The following BDKRB2 variants were observed in gnomAD, a reference collection of about 807,000 sequenced individuals.
BDKRB2 encodes bradykinin receptor B2, also known as B2 bradykinin receptor.
A neutral mutation model predicts 4.0 loss-of-function variants in BDKRB2; 6 were observed. That is an observed-to-expected ratio of 1.49 (90% CI 0.81 to 2.93). The LOEUF is 2.93. Among genes scored for constraint, BDKRB2 ranks in the 30% most tolerant of loss-of-function variants. BDKRB2 has a pLI of 0.00. For missense variants in BDKRB2, 478 were observed against 520.1 expected, an observed-to-expected ratio of 0.92 and a Z score of 0.79; for synonymous variants, 225 against 215.3, an observed-to-expected ratio of 1.05 and a Z score of -0.40.
chr14:96,214,593 G>A (rs1890377324), intron 1 of BDKRB2: 1 of 152,324 alleles, frequency 6.6e-6, no homozygotes, highest in South Asian at 2.1e-4. Context: ...TGTACAGCAG[G>A]TTTGCCTCAC....
rs1434860064 is a variant in BDKRB2 at position 96,241,735 on chromosome 14, A to G, written c.*231A>G. 3.6e-6 allele frequency: 2 copies of G among 551,778 alleles called. No individual in the cohort carries two copies. Among genetic ancestry groups the G allele is most frequent in the African/African-American group, 1.9e-5 (1 of 52,316 alleles). 34.2% of individuals were successfully genotyped at this position (551,778 alleles called of 1,614,324 possible). ...CCAAGGACTCCAAAATCACAACAGC[A>G]TTACTGTTCTTATTTGCTGCCACAC... On this transcript the variant is annotated 3_prime_UTR_variant, in exon 3 of 3. Coordinates refer to ENST00000554311, the MANE Select transcript of BDKRB2 (RefSeq NM_001379692.1).
At chr14:96,237,661 C>T in intron 2 of BDKRB2, 3 of 1,282,954 alleles carry the variant, frequency 2.3e-6, no homozygotes, top group Non-Finnish European at 3.0e-6. Flanking sequence ...TTGGGGACAG[C>T]ATTTGCAAGA....
Position 96,241,619 on chromosome 14 carries a change from G to C in BDKRB2, c.*115G>C, listed in dbSNP as rs542090558. 8.5e-6 allele frequency: 12 copies of C among 1,418,740 alleles called. No homozygotes were observed. The highest frequency in any genetic ancestry group is 1.1e-5 in the Non-Finnish European group (12 of 1,090,810). 87.9% of individuals were successfully genotyped at this position (1,418,740 alleles called of 1,614,324 possible). On this transcript the variant is annotated 3_prime_UTR_variant, in exon 3 of 3. Coordinates refer to ENST00000554311, the MANE Select transcript of BDKRB2 (RefSeq NM_001379692.1). Reference sequence around the variant, plus strand: ...TATGCACGACCTTGGGAAATGAGTTGATGTCTCCGGTAAAACACCGGAGAC... The same window carrying C: ...TATGCACGACCTTGGGAAATGAGTTCATGTCTCCGGTAAAACACCGGAGAC...
chr14:96,239,314 C>G (rs1016467983), intron 2 of BDKRB2: 2 of 976,484 alleles, frequency 2.0e-6, no homozygotes, highest in Non-Finnish European at 2.4e-6. Flanking sequence ...GAGCAATACC[C>G]TACTCCAAAG....
chr14:96,237,157 C>T lies in BDKRB2; in HGVS notation c.50C>T (p.Ser17Phe). 2 of 1,614,032 alleles carry T rather than the reference C, an allele frequency of 1.2e-6. No homozygotes were observed. Among genetic ancestry groups the T allele is most frequent in the Non-Finnish European group, 1.7e-6 (2 of 1,179,854 alleles). ...ATGTTTCTGTCTGTTCGTGAGGACT[C>T]CGTGCCCACCACGGCCTCTTTCAGG... ...ISMFLSVRED[S>F]VPTTASFSAD... Residue 17 changes from serine (S) to phenylalanine (F), a missense_variant, in exon 2 of 3, where the codon TCC becomes TTC. Physicochemically the swap from Ser to Phe is radical, Grantham distance 155 (BLOSUM62 -2). Coordinates refer to ENST00000554311, the MANE Select transcript of BDKRB2 (RefSeq NM_001379692.1).
At chr14:96,219,119 T>C (rs1010673030) in intron 1 of BDKRB2, among the ~76,000 whole-genome samples, 2 of 151,764 alleles carry the variant, frequency 1.3e-5, no homozygotes, top group African/African-American at 4.9e-5. Context: ...CTGACCAACA[T>C]GGCAAGACCC....
chr14:96,208,521 G>A (rs1890238499), intron 1 of BDKRB2, among the ~76,000 whole-genome samples: 2 of 152,142 alleles, frequency 1.3e-5, no homozygotes, highest in African/African-American at 4.8e-5. Context: ...AGGACCACTA[G>A]GAGGCTTACC....
intron 2 of BDKRB2, chr14:96,237,675 A>T (rs751527598): frequency 2.1e-5 from 27 of 1,286,184 alleles, no homozygotes; most frequent in Non-Finnish European, 2.4e-5. Context: ...TGCAAGAAAC[A>T]AGGCTGAGGG....
chr14:96,219,724 G>T (rs1483820471), intron 1 of BDKRB2, among the ~76,000 whole-genome samples: 4 of 152,088 alleles, frequency 2.6e-5, no homozygotes, highest in African/African-American at 9.7e-5. Context: ...CTAAGAGGTG[G>T]GGACACAGTG....
At chr14:96,238,067 G>A (rs1890979041) in intron 2 of BDKRB2, 2 of 1,070,236 alleles carry the variant, frequency 1.9e-6, no homozygotes, top group East Asian at 8.6e-5. Context: ...CTCTGGAAAG[G>A]AGGCTGCAAG....
At chr14:96,236,424 A>T (rs1165274950) in intron 1 of BDKRB2, among the ~76,000 whole-genome samples, 1 of 152,024 alleles carries the variant, frequency 6.6e-6, no homozygotes, top group Non-Finnish European at 1.5e-5. Context: ...TTCTCCTCTA[A>T]ATCAGCCCCC....
At chr14:96,235,404 C>T (rs1239924682) in intron 1 of BDKRB2, among the ~76,000 whole-genome samples, 1 of 149,900 alleles carries the variant, frequency 6.7e-6, no homozygotes, top group Non-Finnish European at 1.5e-5. Flanking sequence ...TCTCTCACCA[C>T]TGTTGAATTT....
intron 1 of BDKRB2, among the ~76,000 whole-genome samples, chr14:96,216,959 G>A (rs1014732045): frequency 6.6e-6 from 1 of 152,218 alleles, no homozygotes; most frequent in African/African-American, 2.4e-5. Context: ...CTGTGGCATT[G>A]AGTGGGGTAG....
rs988013396 is a variant in BDKRB2 at position 96,241,346 on chromosome 14, C to T, written c.1018C>T (p.Arg340Ter). ...GTACGTGATCGTGGGCAAGCGCTTC[C>T]GAAAGAAGTCTTGGGAGGTGTACCA... ...LVYVIVGKRF[R>*]KKSWEVYQGV... The change falls in exon 3 of 3, where the codon CGA (arginine) becomes TGA (stop). Residue 340 changes from arginine (R) to a stop codon, truncating the protein, a stop_gained. Transcript: ENST00000554311. LOFTEE classifies it low-confidence loss of function (END_TRUNC). 8.7e-6 allele frequency: 14 copies of T among 1,613,854 alleles called. No individual in the cohort carries two copies. The highest frequency in any genetic ancestry group is 2.7e-5 in the African/African-American group (2 of 74,912).
chr14:96,232,910 TG>T (rs1387128854), intron 1 of BDKRB2, among the ~76,000 whole-genome samples: 7 of 152,206 alleles, frequency 4.6e-5, no homozygotes, highest in Non-Finnish European at 1.0e-4. Context: ...TCCGAGTTCT[TG>T]GTTGGGGGCC....
At chr14:96,229,683 G>A (rs75435594) in intron 1 of BDKRB2, among the ~76,000 whole-genome samples, 4,956 of 152,200 alleles carry the variant, frequency 0.033, 176 homozygotes, top group East Asian at 0.16. Flanking sequence ...GCCACGGAGG[G>A]TTAGTGACAG....
At chr14:96,238,506 A>G in intron 2 of BDKRB2, 1 of 985,626 alleles carries the variant, frequency 1.0e-6, no homozygotes, top group Non-Finnish European at 1.2e-6. Flanking sequence ...TACTTCTTAT[A>G]CCATCACTGT....
At chr14:96,218,380 A>T (rs535337536) in intron 1 of BDKRB2, among the ~76,000 whole-genome samples, 21 of 152,258 alleles carry the variant, frequency 1.4e-4, no homozygotes, top group African/African-American at 4.8e-4. Flanking sequence ...ATTCTACCAC[A>T]TCCCCATCCA....
At chr14:96,238,484 C>CT in intron 2 of BDKRB2, 1 of 985,608 alleles carries the variant, frequency 1.0e-6, no homozygotes, top group East Asian at 1.1e-4. Flanking sequence ...CCACAGGGAT[C>CT]TTTTTAGAGC....
Sources: gnomAD v4.1 joint callset for allele counts (sites outside exome capture counted in the v4.1 genomes callset) on GRCh38, gnomAD v4.1.1 for gene constraint, MANE v1.5 for transcripts, NCBI Gene and HGNC (gene_info 2026-07-23, HGNC 2026-07-21) for gene names.